The following NOX4 variants were observed in gnomAD, a reference collection of about 807,000 sequenced individuals.
NOX4 encodes NADPH oxidase 4.
In NOX4, 69 loss-of-function variants were observed where a neutral mutation model predicts 87.6. The ratio of observed to expected loss-of-function variants is 0.79; its 90% CI spans 0.65 to 0.96. NOX4 has a LOEUF of 0.96. Among genes scored for constraint, NOX4 ranks in the 40% least tolerant of loss-of-function variants. The pLI is 0.00. For synonymous variants in NOX4, 275 were observed against 238.2 expected, an observed-to-expected ratio of 1.15 and a Z score of -1.42; for missense variants, 680 against 681.5, an observed-to-expected ratio of 1.00 and a Z score of 0.02.
upstream of NOX4, among the ~76,000 whole-genome samples, chr11:89,499,926 G>A (rs941558807): frequency 6.6e-6 from 1 of 152,034 alleles, no homozygotes; most frequent in South Asian, 2.1e-4. Flanking sequence ...GTTACATTGA[G>A]AGAAAAACTA....
intron 6 of NOX4, among the ~76,000 whole-genome samples, chr11:89,433,763 T>A (rs887985391): frequency 6.6e-6 from 1 of 152,032 alleles, no homozygotes; most frequent in African/African-American, 2.4e-5. Context: ...TTTGTTTTTT[T>A]AAAATAATAA....
chr11:89,324,722 C>G lies in NOX4; in HGVS notation c.*2034G>C, dbSNP rs951200191. ...AACTCAAAGTGTCTTTTTACTAGTT[C>G]TTTCTGTTAAATGTTTCCATGAAAA... On this transcript the variant is annotated 3_prime_UTR_variant, in exon 18 of 18. Coordinates refer to ENST00000263317, the MANE Select transcript of NOX4 (RefSeq NM_016931.5). 2 of 152,114 alleles carry G rather than the reference C, an allele frequency of 1.3e-5. No individual in the cohort carries two copies. Among genetic ancestry groups the G allele is most frequent in the African/African-American group, 4.8e-5 (2 of 41,402 alleles). 9.4% of individuals were successfully genotyped at this position (152,114 alleles called of 1,614,324 possible).
chr11:89,587,210 T>C, the NOX4 span, among the ~76,000 whole-genome samples: 3 of 152,006 alleles, frequency 2.0e-5, no homozygotes, highest in African/African-American at 4.8e-5. Flanking sequence ...TTTAATATAT[T>C]GGATGCAGTA....
intron 13 of NOX4, among the ~76,000 whole-genome samples, chr11:89,343,314 G>A (rs774945939): frequency 2.0e-5 from 3 of 152,096 alleles, no homozygotes; most frequent in Admixed American, 6.6e-5. Context: ...TTTTATTAAC[G>A]GTATCAATGA....
chr11:89,565,568 C>T, the NOX4 span, among the ~76,000 whole-genome samples: 1 of 151,974 alleles, frequency 6.6e-6, no homozygotes, highest in Non-Finnish European at 1.5e-5. Context: ...TTTCTAATCT[C>T]ATTGGATAAT....
chr11:89,416,401 T>G (rs1288486250), intron 8 of NOX4, among the ~76,000 whole-genome samples: 1 of 152,192 alleles, frequency 6.6e-6, no homozygotes, highest in East Asian at 1.9e-4. Context: ...GCCACATCAG[T>G]GTGGGTGAAG....
chr11:89,571,031 A>G, the NOX4 span, among the ~76,000 whole-genome samples: 2 of 152,222 alleles, frequency 1.3e-5, no homozygotes, highest in African/African-American at 2.4e-5. Flanking sequence ...AGTTACGTTC[A>G]TGAAATTAAT....
intron 4 of NOX4, 44 bp from the exon 5 acceptor site, chr11:89,444,276 T>C (rs1208747498): frequency 1.3e-6 from 2 of 1,519,906 alleles, no homozygotes; most frequent in Non-Finnish European, 9.1e-7. Context: ...TTTGCATATA[T>C]GCTCTATGTC....
At chr11:89,513,550 A>T in the NOX4 span, among the ~76,000 whole-genome samples, 2 of 152,080 alleles carry the variant, frequency 1.3e-5, no homozygotes, top group Non-Finnish European at 2.9e-5. Flanking sequence ...TTGCAATACA[A>T]TTGAGTCAAA....
chr11:89,359,634 G>C (rs1200220022), intron 12 of NOX4, among the ~76,000 whole-genome samples: 1 of 152,010 alleles, frequency 6.6e-6, no homozygotes, highest in Non-Finnish European at 1.5e-5. Context: ...CACATAATTA[G>C]TTTTTTTAAC....
intron 4 of NOX4, among the ~76,000 whole-genome samples, chr11:89,447,073 A>T (rs559276518): frequency 6.6e-6 from 1 of 151,864 alleles, no homozygotes; most frequent in South Asian, 2.1e-4. Flanking sequence ...TTTTAAGAGG[A>T]AAAAAAATGG....
intron 13 of NOX4, among the ~76,000 whole-genome samples, chr11:89,346,210 C>A (rs1590977886): frequency 6.6e-6 from 1 of 152,152 alleles, no homozygotes; most frequent in East Asian, 1.9e-4. Context: ...AATGCAATCT[C>A]ATGTTAAAAG....
chr11:89,374,362 T>C (rs1287826442), intron 11 of NOX4, among the ~76,000 whole-genome samples: 1 of 152,138 alleles, frequency 6.6e-6, no homozygotes, highest in Admixed American at 6.6e-5. Flanking sequence ...TTGGATATAT[T>C]AAGTACGATA....
intron 6 of NOX4, among the ~76,000 whole-genome samples, chr11:89,439,869 C>T (rs539077774): frequency 4.6e-5 from 7 of 152,092 alleles, no homozygotes; most frequent in Non-Finnish European, 1.0e-4. Flanking sequence ...ATAGGAGACA[C>T]ATTTCAAAGA....
At chr11:89,518,807 C>T in the NOX4 span, among the ~76,000 whole-genome samples, 7 of 151,974 alleles carry the variant, frequency 4.6e-5, no homozygotes, top group Admixed American at 6.6e-5. Context: ...ATCCACAGTG[C>T]TCTAAGGACG....
intron 9 of NOX4, among the ~76,000 whole-genome samples, chr11:89,400,643 T>C (rs532853316): frequency 8.0e-4 from 121 of 152,074 alleles, no homozygotes; most frequent in African/African-American, 2.8e-3. Flanking sequence ...AACAAGTATA[T>C]ATTCTTTCAT....
chr11:89,440,669 G>T lies in NOX4; in HGVS notation c.475+19C>A, dbSNP rs376448404. 63 of 1,528,356 alleles carry T rather than the reference G, an allele frequency of 4.1e-5. No homozygotes were observed. The African/African-American group carries it at 7.7e-4, about 19-fold the overall frequency. The allele number at this position is 1,528,356 out of a possible 1,614,324, so 94.7% of individuals were successfully genotyped here. On this transcript the variant is annotated intron_variant, in intron 6 of 17. Transcript: ENST00000263317. ...AGATGTTCCTAAACCTAAAGAAAAG[G>T]CTAAGAATAACAACTTACCAGTTGT... is the stretch of plus-strand genomic sequence containing the variant.
intron 12 of NOX4, among the ~76,000 whole-genome samples, chr11:89,359,379 A>ATTTTTTTTT (rs33949541): frequency 7.8e-6 from 1 of 128,726 alleles, no homozygotes; most frequent in Non-Finnish European, 1.6e-5. Flanking sequence ...AGCAGTAGGC[A>ATTTTTTTTT]TTTTTTTTTT....
the NOX4 span, among the ~76,000 whole-genome samples, chr11:89,565,928 G>T: frequency 6.6e-6 from 1 of 151,924 alleles, no homozygotes; most frequent in African/African-American, 2.4e-5. Flanking sequence ...AATAGATCTT[G>T]CATGGTTGTG....
Sources: allele counts gnomAD v4.1 joint callset (sites outside exome capture counted in the v4.1 genomes callset), GRCh38; gene constraint gnomAD v4.1.1; transcripts MANE v1.5; gene names NCBI Gene and HGNC (gene_info 2026-07-23, HGNC 2026-07-21).